CFB: variants seen among roughly 807,000 people sequenced by gnomAD.
The protein encoded by CFB is B-factor, properdin.
A neutral mutation model predicts 97.2 loss-of-function variants in CFB; 59 were observed. That is an observed-to-expected ratio of 0.61 (90% CI 0.49 to 0.75). CFB has a LOEUF of 0.75. Among genes scored for constraint, CFB ranks in the 30% least tolerant of loss-of-function variants. CFB has a pLI of 0.00. For synonymous variants in CFB, 316 were observed against 351.7 expected (o/e 0.90, Z 1.14); for missense variants, 771 against 959.8 (o/e 0.80, Z 2.60).
chr6:31,949,144 T>C, intron 8 of CFB, 99 bp from the exon 9 acceptor site: 1 of 1,441,048 alleles, frequency 6.9e-7, no homozygotes, highest in Non-Finnish European at 9.6e-7. Context: ...CAACTATCTC[T>C]AACCCTTCCT....
rs775365194 is a variant in CFB, at chr6:31,951,899, G to A, written c.2164G>A (p.Val722Met). ...IQVGVISWGVVDVCKNQKRQK... is the reference protein window; with the variant it reads ...IQVGVISWGVMDVCKNQKRQK... ...GGTTGGTGTAATCAGCTGGGGAGTA[G>A]TGGATGTCTGCAAAAACCAGAAGCG... Residue 722 changes from valine (V) to methionine (M), a missense_variant, in exon 18 of 18, where the codon GTG becomes ATG. Val to Met is a conservative substitution (Grantham distance 21, BLOSUM62 1). Transcript: ENST00000425368. The surrounding 1 kb of genome is among the most constrained non-coding windows in gnomAD (Gnocchi z 4.3). 6 of 1,613,054 alleles carry A rather than the reference G, an allele frequency of 3.7e-6. No homozygotes were observed. The African/African-American group carries it at 4.0e-5, about 11-fold the overall frequency.
chr6:31,949,932 C>T (rs528519983), intron 10 of CFB, 118 bp from the exon 11 acceptor site: 15 of 938,952 alleles, frequency 1.6e-5, no homozygotes, highest in East Asian at 7.5e-5. Context: ...AACAAATACC[C>T]GTGGTCTTTC....
At position 31,951,100 on chromosome 6, in the gene CFB, G is replaced by A. The variant is rs773542539; in HGVS notation, c.1856-44G>A. 3 of 1,601,074 alleles carry A rather than the reference G, an allele frequency of 1.9e-6. No homozygotes were observed. Among genetic ancestry groups the A allele is most frequent in the African/African-American group, 2.7e-5 (2 of 74,686 alleles). On this transcript the variant is annotated intron_variant, in intron 14 of 17. Transcript: ENST00000425368. The surrounding 1 kb of genome is among the most constrained non-coding windows in gnomAD (Gnocchi z 4.3). ...TGAGTGACAAAGGCAATGGGGAGAT[G>A]ACAGTGGTGGGAGCAGCTGAAGTGA...
intron 10 of CFB, 187 bp downstream of exon 10, chr6:31,949,744 C>A (rs1202163091): frequency 1.0e-5 from 8 of 784,184 alleles, no homozygotes; most frequent in Non-Finnish European, 1.6e-5. Context: ...GAGCTCTGAG[C>A]ACTTCAGAGA....
At chr6:31,948,184 A>C in intron 6 of CFB, 103 bp downstream of exon 6, 1 of 1,542,774 alleles carries the variant, frequency 6.5e-7, no homozygotes, top group Non-Finnish European at 8.8e-7. Flanking sequence ...GGGCCCCAGG[A>C]AAATCTCCAG....
rs1157857643 is a variant in CFB at position 31,950,111 on chromosome 6, C to T, written c.1470C>T (p.Tyr490=). The T allele has an allele frequency of 2.5e-6, 4 of 1,612,918 alleles. No homozygotes were observed. Among genetic ancestry groups the T allele is most frequent in the Non-Finnish European group, 2.5e-6 (3 of 1,180,052 alleles). Residue 490 remains tyrosine, a synonymous_variant, in exon 11 of 18, where the codon TAC becomes TAT. Coordinates refer to ENST00000425368, the MANE Select transcript of CFB (RefSeq NM_001710.6). ...GGGAACACAGGAAGGGTACCGATTA[C>T]CACAAGCAACCATGGCAGGCCAAGA... ...MVWEHRKGTD[Y]HKQPWQAKIS...
chr6:31,948,004 G>A lies in CFB; in HGVS notation c.820G>A (p.Val274Met), dbSNP rs1462648092. The part of the protein sequence containing the change: ...DPSGSMNIYL[V>M]LDGSDSIGAS... ...TTCAGGCTCCATGAACATCTACCTG[G>A]TGCTAGATGGATCAGACAGCATTGG... is the stretch of plus-strand genomic sequence containing the variant. The change falls in exon 6 of 18, where the codon GTG becomes ATG. Residue 274 changes from valine (V) to methionine (M), a missense_variant. Transcript: ENST00000425368. 1 of 1,614,048 alleles carries A rather than the reference G, an allele frequency of 6.2e-7. No homozygotes were observed. The highest frequency in any genetic ancestry group is 8.5e-7 in the Non-Finnish European group (1 of 1,180,034).
chr6:31,949,065 T>TGTGACTCA (rs1562629194), intron 8 of CFB, 104 bp downstream of exon 8: 1 of 1,549,072 alleles, frequency 6.5e-7, no homozygotes, highest in Non-Finnish European at 8.9e-7. Flanking sequence ...GGGCCCTGAA[T>TGTGACTCA]GTGACTCATA....
chr6:31,951,265 G>C lies in CFB; in HGVS notation c.1956+21G>C, dbSNP rs1771751733. The C allele has an allele frequency of 6.2e-7, 1 of 1,613,166 alleles. No individual in the cohort carries two copies. Among genetic ancestry groups the C allele is most frequent in the African/African-American group, 1.3e-5 (1 of 74,908 alleles). On this transcript the variant is annotated intron_variant, in intron 15 of 17. Transcript: ENST00000425368. The surrounding 1 kb of genome is among the most constrained non-coding windows in gnomAD (Gnocchi z 4.3). The stretch of plus-strand genomic sequence containing the variant: ...ATAAGGTGAGAAACGGGCATCCTAA[G>C]GAGGCACTCTAGGCCCCAATCCTTC...
Position 31,946,268 on chromosome 6 carries a change from T to C in CFB, c.47T>C (p.Leu16Ser). ...SPQLCLMPFILGLLSGGVTTT... is the reference protein window; with the variant it reads ...SPQLCLMPFISGLLSGGVTTT... ...CAACTCTGCCTGATGCCCTTTATCT[T>C]GGGCCTCTTGTCTGGAGGTAAGCGA... The change falls in exon 1 of 18, where the codon TTG (leucine) becomes TCG (serine). Residue 16 changes from leucine to serine, a missense_variant. By Grantham distance (145) the Leu-to-Ser change is moderately radical (BLOSUM62 -2). Transcript: ENST00000425368. This position sits in a 1 kb window ranked among gnomAD's most constrained non-coding sequence, Gnocchi z 6.4. 6.2e-7 allele frequency: 1 copy of C among 1,613,106 alleles called. No homozygotes were observed. Among genetic ancestry groups the C allele is most frequent in the Non-Finnish European group, 8.5e-7 (1 of 1,180,026 alleles).
intron 14 of CFB, 56 bp downstream of exon 14, chr6:31,951,000 T>C: frequency 1.3e-6 from 2 of 1,597,524 alleles, no homozygotes; most frequent in Non-Finnish European, 1.7e-6. Flanking sequence ...AAGTGGGGCA[T>C]GAGAGGGAGG....
In CFB at chr6:31,948,460, C is replaced by G. The variant is rs1376624938; in HGVS notation, c.984C>G (p.Asp328Glu). The G allele has an allele frequency of 1.2e-6, 2 of 1,614,070 alleles. No homozygotes were observed. The highest frequency in any genetic ancestry group is 1.7e-6 in the Non-Finnish European group (2 of 1,180,054). Residue 328 changes from aspartate to glutamate, a missense_variant, in exon 7 of 18, where the codon GAC becomes GAG. Transcript: ENST00000425368. ...TTTGGGTCAAAGTGTCTGAAGCAGA[C>G]AGCAGTAATGCAGACTGGGTCACGA... Reference protein sequence around the residue: ...PKIWVKVSEADSSNADWVTKQ... With the variant: ...PKIWVKVSEAESSNADWVTKQ...
At position 31,947,422 on chromosome 6, in the gene CFB, G is replaced by A. The variant is rs774051674; in HGVS notation, c.559G>A (p.Val187Ile). Residue 187 changes from valine to isoleucine, a missense_variant, in exon 4 of 18, where the codon GTC becomes ATC. Val to Ile is a conservative substitution (Grantham distance 29, BLOSUM62 3). Coordinates refer to ENST00000425368, the MANE Select transcript of CFB (RefSeq NM_001710.6). This position sits in a 1 kb window ranked among gnomAD's most constrained non-coding sequence, Gnocchi z 5.3. The stretch of plus-strand genomic sequence containing the variant: ...CAGCCAGTACCGCCTTGAAGACAGC[G>A]TCACCTACCACTGCAGCCGGGGGCT... ...VGSQYRLEDSVTYHCSRGLTL... is the reference protein window; with the variant it reads ...VGSQYRLEDSITYHCSRGLTL... The A allele has an allele frequency of 3.4e-5, 55 of 1,612,898 alleles. No individual in the cohort carries two copies. Among genetic ancestry groups the A allele is most frequent in the Non-Finnish European group, 3.7e-5 (44 of 1,180,032 alleles).
Position 31,946,281 on chromosome 6 carries a change from T to C in CFB, c.60T>C (p.Ser20=). The C allele has an allele frequency of 6.2e-7, 1 of 1,613,092 alleles. No homozygotes were observed. The highest frequency in any genetic ancestry group is 1.3e-5 in the African/African-American group (1 of 75,060). The change falls in exon 1 of 18, where the codon TCT becomes TCC. Residue 20 remains serine, a synonymous_variant. Transcript: ENST00000425368. This position sits in a 1 kb window ranked among gnomAD's most constrained non-coding sequence, Gnocchi z 6.4. ...TGCCCTTTATCTTGGGCCTCTTGTC[T>C]GGAGGTAAGCGAGGGTAACCTTCCC... ...CLMPFILGLL[S]GGVTTTPWSL...
Position 31,946,885 on chromosome 6 carries a change from T to A in CFB, c.299-122T>A. Reference sequence around the variant, plus strand: ...CATATGGGTTGAGGAGTAGGTAAGATGCTGCTTCTGCGGGACTGGGAATGC... The same window carrying A: ...CATATGGGTTGAGGAGTAGGTAAGAAGCTGCTTCTGCGGGACTGGGAATGC... On this transcript the variant is annotated intron_variant, in intron 2 of 17. Transcript: ENST00000425368. This position sits in a 1 kb window ranked among gnomAD's most constrained non-coding sequence, Gnocchi z 6.4. 2.0e-6 allele frequency: 2 copies of A among 1,020,028 alleles called. No homozygotes were observed. The highest frequency in any genetic ancestry group is 3.0e-6 in the Non-Finnish European group (2 of 659,716). 63.2% of individuals were successfully genotyped at this position (1,020,028 alleles called of 1,614,324 possible).
In CFB at chr6:31,947,316, A is replaced by G; in HGVS notation, c.485-32A>G. 1.2e-6 allele frequency: 2 copies of G among 1,612,808 alleles called. No homozygotes were observed. Among genetic ancestry groups the G allele is most frequent in the Non-Finnish European group, 1.7e-6 (2 of 1,180,016 alleles). On this transcript the variant is annotated intron_variant, in intron 3 of 17. Coordinates refer to ENST00000425368, the MANE Select transcript of CFB (RefSeq NM_001710.6). This position sits in a 1 kb window ranked among gnomAD's most constrained non-coding sequence, Gnocchi z 5.3. ...CCTTGCTCACGGGGCCTCAGGCTTC[A>G]GTGCTTACCTCGATGTCTCATACCT...
At position 31,947,620 on chromosome 6, in the gene CFB, C is replaced by T. The variant is rs1453594001; in HGVS notation, c.658+99C>T. ...TGCTCTTTCCTCACTTTGTTTAAACCTCCCTGTACAACTATCTCACTTCTG... is the reference window on the plus strand; with the variant it reads ...TGCTCTTTCCTCACTTTGTTTAAACTTCCCTGTACAACTATCTCACTTCTG... On this transcript the variant is annotated intron_variant, in intron 4 of 17. Transcript: ENST00000425368. This position sits in a 1 kb window ranked among gnomAD's most constrained non-coding sequence, Gnocchi z 5.3. 4.4e-6 allele frequency: 7 copies of T among 1,583,440 alleles called. No homozygotes were observed. Among genetic ancestry groups the T allele is most frequent in the Non-Finnish European group, 6.1e-6 (7 of 1,153,608 alleles).
At position 31,951,010 on chromosome 6, in the gene CFB, G is replaced by T; in HGVS notation, c.1855+66G>T. On this transcript the variant is annotated intron_variant, in intron 14 of 17. Coordinates refer to ENST00000425368, the MANE Select transcript of CFB (RefSeq NM_001710.6). This position sits in a 1 kb window ranked among gnomAD's most constrained non-coding sequence, Gnocchi z 4.3. ...GAGACAAGTGGGGCATGAGAGGGAG[G>T]TGCAATAGGAAGAGATGATGCCTGG... is the stretch of plus-strand genomic sequence containing the variant. The T allele has an allele frequency of 6.3e-7, 1 of 1,587,118 alleles. No homozygotes were observed. Among genetic ancestry groups the T allele is most frequent in the Non-Finnish European group, 8.6e-7 (1 of 1,157,596 alleles).
rs1554286557 is a variant in CFB, at chr6:31,951,759, T to C, written c.2140-116T>C. 3 of 1,584,886 alleles carry C rather than the reference T, an allele frequency of 1.9e-6. No homozygotes were observed. Among genetic ancestry groups the C allele is most frequent in the South Asian group, 2.2e-5 (2 of 90,470 alleles). On this transcript the variant is annotated intron_variant, in intron 17 of 17. Transcript: ENST00000425368. The surrounding 1 kb of genome is among the most constrained non-coding windows in gnomAD (Gnocchi z 4.3). The stretch of plus-strand genomic sequence containing the variant: ...TGCCTGCGTGTGTCAAGAACGAGGC[T>C]GAGCTGGGTCCCTAGTCTGATTCCT...
Sources: gnomAD v4.1 joint callset for allele counts on GRCh38, gnomAD v4.1.1 for gene constraint, Gnocchi (gnomAD v3.1) non-coding constraint, MANE v1.5 for transcripts, NCBI Gene and HGNC (gene_info 2026-07-23, HGNC 2026-07-21) for gene names.